ABLIM1: variants seen among roughly 807,000 people sequenced by gnomAD.
ABLIM1 encodes actin-binding LIM protein 1.
ABLIM1 carries 40 observed loss-of-function variants against 107.0 expected under a neutral mutation model. The ratio of observed to expected loss-of-function variants is 0.37; its 90% CI spans 0.29 to 0.49. The LOEUF (loss-of-function observed/expected upper bound fraction) is 0.49, where lower values mean the gene tolerates loss of function less well. ABLIM1 is among the 20% of genes least tolerant of loss of function. The pLI, the probability that ABLIM1 is intolerant of heterozygous loss-of-function variation, is 0.97. For missense variants in ABLIM1, 857 were observed against 1,008.5 expected (o/e 0.85, Z 2.04); for synonymous variants, 357 against 357.3 (o/e 1.00, Z 0.01).
upstream of ABLIM1, among the ~76,000 whole-genome samples, chr10:114,769,544 G>A (rs1036856878): frequency 2.1e-5 from 3 of 142,058 alleles, no homozygotes; most frequent in Admixed American, 2.1e-4. Flanking sequence ...AAGGAAGGAA[G>A]GAAGAAAGAA....
chr10:114,693,806 C>T (rs1184151912), intron 1 of ABLIM1, among the ~76,000 whole-genome samples: 10 of 149,934 alleles, frequency 6.7e-5, no homozygotes, highest in African/African-American at 2.5e-4. Flanking sequence ...TGCTACCATG[C>T]CTGGCTGATT....
chr10:114,631,795 A>G (rs914934167), intron 1 of ABLIM1: 5 of 1,189,992 alleles, frequency 4.2e-6, no homozygotes, highest in Non-Finnish European at 5.5e-6. Flanking sequence ...TCACACCGAG[A>G]ACATGTCCGC....
Position 114,448,033 on chromosome 10 carries a change from G to A in ABLIM1, c.1595-13C>T, listed in dbSNP as rs2061299084. On this transcript the variant is annotated splice_polypyrimidine_tract_variant and intron_variant, in intron 14 of 22. Coordinates refer to ENST00000533213, the MANE Select transcript of ABLIM1 (RefSeq NM_002313.7). ...GCTGCCAAGGCAGCTGCATCTAGAT[G>A]GGAATCAGGGGTTGCTTAGCTATTG... The A allele has an allele frequency of 6.2e-7, 1 of 1,614,046 alleles. No individual in the cohort carries two copies. Among genetic ancestry groups the A allele is most frequent in the South Asian group, 1.1e-5 (1 of 91,072 alleles).
intron 1 of ABLIM1, among the ~76,000 whole-genome samples, chr10:114,673,252 C>G (rs912405092): frequency 8.7e-6 from 1 of 114,338 alleles, no homozygotes; most frequent in South Asian, 3.2e-4. Context: ...AGCAAGACTC[C>G]AGCTAAAAAA....
At chr10:114,709,443 C>T (rs903305766) in intron 1 of ABLIM1, among the ~76,000 whole-genome samples, 2 of 152,162 alleles carry the variant, frequency 1.3e-5, no homozygotes, top group Non-Finnish European at 2.9e-5. Flanking sequence ...CATAAATATG[C>T]TTAAAACAGT....
At chr10:114,750,885 C>T (rs2082495888) in intron 1 of ABLIM1, among the ~76,000 whole-genome samples, 3 of 152,104 alleles carry the variant, frequency 2.0e-5, no homozygotes, top group African/African-American at 7.2e-5. Context: ...AGCATTTTCC[C>T]CTGAGTTCTC....
At position 114,550,121 on chromosome 10, in the gene ABLIM1, G is replaced by A. The variant is rs1045332263; in HGVS notation, c.674-2345C>T. ...GCAAATTAGAATTTCTTAATGTATG[G>A]CCCATTATCTAGTACACATATGAGT... On this transcript the variant is annotated intron_variant, in intron 4 of 22. Transcript: ENST00000533213. Among the ~76,000 whole-genome samples the A allele has an allele frequency of 1.7e-4, 26 of 151,780 alleles. 1 individual carries two copies. The highest frequency in any genetic ancestry group is 6.1e-4 in the African/African-American group (25 of 41,300).
At chr10:114,799,198 C>T in the ABLIM1 span, among the ~76,000 whole-genome samples, 1 of 152,214 alleles carries the variant, frequency 6.6e-6, no homozygotes, top group South Asian at 2.1e-4. Flanking sequence ...CTCTCCTATG[C>T]TGGCATCTCT....
At chr10:114,734,294 A>C (rs922899347) in intron 1 of ABLIM1, among the ~76,000 whole-genome samples, 5 of 152,240 alleles carry the variant, frequency 3.3e-5, no homozygotes, top group Admixed American at 3.3e-4. Context: ...CTAAAATACC[A>C]CTTAGATGAT....
At chr10:114,608,512 A>G (rs1006429277) in intron 1 of ABLIM1, among the ~76,000 whole-genome samples, 5 of 151,036 alleles carry the variant, frequency 3.3e-5, no homozygotes, top group Admixed American at 2.0e-4. Context: ...TCTACTGAAA[A>G]TACAAAATTA....
At chr10:114,655,993 GGGC>G (rs2079493855) in intron 1 of ABLIM1, among the ~76,000 whole-genome samples, 1 of 152,096 alleles carries the variant, frequency 6.6e-6, no homozygotes, top group South Asian at 2.1e-4. Context: ...AGATAAGGCC[GGGC>G]GCGGTGGCTC....
chr10:114,649,802 T>G (rs1403397451), intron 1 of ABLIM1, among the ~76,000 whole-genome samples: 1 of 152,128 alleles, frequency 6.6e-6, no homozygotes, highest in Non-Finnish European at 1.5e-5. Context: ...ATCAAGCCTG[T>G]GCTGGCCACC....
At chr10:114,534,033 C>G (rs978859552) in intron 6 of ABLIM1, among the ~76,000 whole-genome samples, 36 of 152,128 alleles carry the variant, frequency 2.4e-4, no homozygotes, top group Admixed American at 1.3e-4. Flanking sequence ...TTTTTCTGCT[C>G]CCCCAAGAGA....
At chr10:114,611,470 GA>G (rs35745645) in intron 1 of ABLIM1, among the ~76,000 whole-genome samples, 14,553 of 143,892 alleles carry the variant, frequency 0.1, 741 homozygotes, top group Middle Eastern at 0.13. Flanking sequence ...ACTCTGCCTA[GA>G]AAAAAAAAAA....
chr10:114,605,626 A>G (rs2076357587), intron 1 of ABLIM1, among the ~76,000 whole-genome samples: 1 of 152,160 alleles, frequency 6.6e-6, no homozygotes, highest in African/African-American at 2.4e-5. Context: ...ATGGCTCATC[A>G]ATTTTGTTGC....
chr10:114,633,499 T>C (rs549353893), intron 1 of ABLIM1, among the ~76,000 whole-genome samples: 15 of 152,280 alleles, frequency 9.9e-5, no homozygotes, highest in African/African-American at 2.6e-4. Flanking sequence ...CTCCAGCCCC[T>C]GGGTTGTCTT....
At chr10:114,714,520 G>T (rs1160741946) in intron 1 of ABLIM1, among the ~76,000 whole-genome samples, 1 of 152,210 alleles carries the variant, frequency 6.6e-6, no homozygotes, top group Non-Finnish European at 1.5e-5. Flanking sequence ...TGATGCCATT[G>T]TGACTGAGGT....
At chr10:114,699,104 CAAAA>C (rs11344931) in intron 1 of ABLIM1, among the ~76,000 whole-genome samples, 2 of 115,244 alleles carry the variant, frequency 1.7e-5, no homozygotes, top group Admixed American at 9.3e-5. Flanking sequence ...TTTTGCTTAG[CAAAA>C]AAAAAAAAAA....
intron 10 of ABLIM1, among the ~76,000 whole-genome samples, chr10:114,469,343 C>T (rs886396599): frequency 3.9e-5 from 6 of 152,198 alleles, no homozygotes; most frequent in Non-Finnish European, 7.3e-5. Flanking sequence ...TCATTCACCT[C>T]GCCAATCTCA....
Sources: gnomAD v4.1 joint callset for allele counts (sites outside exome capture counted in the v4.1 genomes callset) on GRCh38, gnomAD v4.1.1 for gene constraint, MANE v1.5 for transcripts, NCBI Gene and HGNC (gene_info 2026-07-23, HGNC 2026-07-21) for gene names.